H3-7: variants seen among roughly 807,000 people sequenced by gnomAD.
H3-7 encodes histone H3-7.
the H3-7 span, among the ~76,000 whole-genome samples, chr1:143,903,916 C>A: frequency 1.2e-4 from 18 of 145,492 alleles, 4 homozygotes; most frequent in Non-Finnish European, 2.6e-4. Flanking sequence ...AACCACCCCC[C>A]GCCTCCTTCC....
chr1:143,904,314 G>A, the H3-7 span: 36 of 1,582,670 alleles, frequency 2.3e-5, 4 homozygotes, highest in East Asian at 6.8e-5. Context: ...GCGCACGGCC[G>A]TCTGGATCTC....
chr1:143,905,867 C>A, the H3-7 span: 1 of 1,580,728 alleles, frequency 6.3e-7, no homozygotes. Context: ...TTCACCCCGC[C>A]CGTGGCCGGC....
the H3-7 span, among the ~76,000 whole-genome samples, chr1:143,902,843 C>T: frequency 1.1e-4 from 16 of 146,444 alleles, 1 homozygote; most frequent in Admixed American, 8.3e-4. Flanking sequence ...TCGTCAGGTC[C>T]CACCTCCAGT....
chr1:143,904,199 A>G, the H3-7 span: 3 of 1,490,750 alleles, frequency 2.0e-6, no homozygotes, highest in African/African-American at 4.1e-5. Flanking sequence ...TAGGTGGTTG[A>G]TCTATTGCGT....
the H3-7 span, chr1:143,904,365 C>T: frequency 5.1e-6 from 8 of 1,582,572 alleles, no homozygotes; most frequent in African/African-American, 2.7e-5. Context: ...GTGCGCCAGG[C>T]GGGACGCCTC....
At chr1:143,904,417 T>C in the H3-7 span, 1 of 1,582,902 alleles carries the variant, frequency 6.3e-7, no homozygotes, top group African/African-American at 1.3e-5. Flanking sequence ...AAGGAGTTCA[T>C]GATGCCCATG....
chr1:143,905,686 T>G, the H3-7 span: 1 of 1,582,842 alleles, frequency 6.3e-7, no homozygotes, highest in African/African-American at 1.3e-5. Context: ...TCTGGCCTCC[T>G]GCAGCGCCAT....
At chr1:143,905,696 T>C in the H3-7 span, 1 of 1,582,634 alleles carries the variant, frequency 6.3e-7, no homozygotes, top group Admixed American at 1.7e-5. Flanking sequence ...TGCAGCGCCA[T>C]CACGGCCGAG....
the H3-7 span, chr1:143,905,646 G>A: frequency 1.3e-6 from 2 of 1,582,926 alleles, no homozygotes; most frequent in Admixed American, 1.7e-5. Flanking sequence ...ACAGGTTCGT[G>A]TCTTCGAACA....
At chr1:143,904,330 A>C in the H3-7 span, 71 of 1,582,154 alleles carry the variant, frequency 4.5e-5, 10 homozygotes, top group South Asian at 7.1e-4. Flanking sequence ...ATCTCGCGGG[A>C]CGTGATGGTG....
the H3-7 span, chr1:143,905,977 T>A: frequency 1.3e-6 from 2 of 1,578,570 alleles, no homozygotes; most frequent in Admixed American, 1.7e-5. Context: ...GCTGTCTCAT[T>A]GATACGAGAG....
chr1:143,904,257 G>C, the H3-7 span: 2 of 1,585,514 alleles, frequency 1.3e-6, no homozygotes, highest in Non-Finnish European at 1.7e-6. Flanking sequence ...GACCGCCTTG[G>C]TGCCCTCGGA....
At chr1:143,905,960 G>A in the H3-7 span, 14 of 1,579,298 alleles carry the variant, frequency 8.9e-6, no homozygotes, top group South Asian at 5.6e-5. Context: ...TGCTTAGTAC[G>A]GGCCATGCTG....
the H3-7 span, chr1:143,905,393 G>T: frequency 3.3e-6 from 2 of 597,428 alleles, no homozygotes; most frequent in East Asian, 2.9e-5. Flanking sequence ...CCAACTCACG[G>T]CTGGGCTTTG....
At chr1:143,905,524 G>A in the H3-7 span, 2 of 1,470,748 alleles carry the variant, frequency 1.4e-6, no homozygotes, top group East Asian at 2.3e-5. Context: ...GCTCTGAAAA[G>A]AGCCTTTAGA....
At chr1:143,905,777 G>T in the H3-7 span, 1 of 1,582,136 alleles carries the variant, frequency 6.3e-7, no homozygotes, top group Admixed American at 1.7e-5. Context: ...GGCAGCTTGC[G>T]GATCAGCAGC....
chr1:143,905,959 C>A, the H3-7 span: 2 of 1,579,304 alleles, frequency 1.3e-6, no homozygotes, highest in African/African-American at 2.7e-5. Context: ...CTGCTTAGTA[C>A]GGGCCATGCT....
the H3-7 span, chr1:143,905,963 C>T: frequency 5.1e-6 from 8 of 1,579,224 alleles, no homozygotes; most frequent in Non-Finnish European, 6.9e-6. Context: ...TTAGTACGGG[C>T]CATGCTGTCT....
chr1:143,905,453 G>C, the H3-7 span: 9 of 940,674 alleles, frequency 9.6e-6, 1 homozygote, highest in Non-Finnish European at 1.4e-5. Flanking sequence ...TGACCGCTGC[G>C]CAAGGCAGAC....
Sources: gnomAD v4.1 joint callset for allele counts (sites outside exome capture counted in the v4.1 genomes callset) on GRCh38, gnomAD v4.1.1 for gene constraint, MANE v1.5 for transcripts, NCBI Gene and HGNC (gene_info 2026-07-23, HGNC 2026-07-21) for gene names.